PRICKLE2: variants seen among roughly 807,000 people sequenced by gnomAD.
PRICKLE2 encodes prickle planar cell polarity protein 2.
A neutral mutation model predicts 81.4 loss-of-function variants in PRICKLE2; 21 were observed. The ratio of observed to expected loss-of-function variants is 0.26; its 90% confidence interval spans 0.18 to 0.37. The LOEUF is 0.37. PRICKLE2 is among the 10% of genes least tolerant of loss of function. The pLI, the probability that PRICKLE2 is intolerant of heterozygous loss-of-function variation, is 1.00. For missense variants in PRICKLE2, 940 were observed against 1,109.0 expected (o/e 0.85, Z 2.16); for synonymous variants, 456 against 421.5 (o/e 1.08, Z -1.00).
At chr3:64,130,200 AT>A (rs1427326984) in intron 7 of PRICKLE2, among the ~76,000 whole-genome samples, 2 of 152,232 alleles carry the variant, frequency 1.3e-5, no homozygotes, top group Non-Finnish European at 2.9e-5. Context: ...GCCCTTAGCT[AT>A]CACAACGTTA....
intron 7 of PRICKLE2, among the ~76,000 whole-genome samples, chr3:64,139,147 A>G (rs1240935005): frequency 1.3e-5 from 2 of 152,176 alleles, no homozygotes; most frequent in Non-Finnish European, 2.9e-5. Flanking sequence ...GCATTGCACA[A>G]CTAAGTTTCC....
intron 2 of PRICKLE2, among the ~76,000 whole-genome samples, chr3:64,244,997 G>A (rs999888363): frequency 2.6e-5 from 4 of 152,034 alleles, no homozygotes; most frequent in African/African-American, 7.3e-5. Flanking sequence ...CCATAACATC[G>A]CTACCAATCT....
intron 1 of PRICKLE2, among the ~76,000 whole-genome samples, chr3:64,203,767 G>A (rs697282): frequency 0.12 from 18,248 of 150,798 alleles, 1,427 homozygotes; most frequent in East Asian, 0.4. Context: ...CCAGGAGTTC[G>A]AGACCAGCCT....
chr3:64,212,205 G>T (rs2078799909), intron 1 of PRICKLE2, among the ~76,000 whole-genome samples: 1 of 152,188 alleles, frequency 6.6e-6, no homozygotes, highest in Non-Finnish European at 1.5e-5. Flanking sequence ...TTCCTCAGCT[G>T]CCTGTCAGAC....
chr3:64,179,752 C>T (rs2078094349), intron 2 of PRICKLE2, among the ~76,000 whole-genome samples: 1 of 152,116 alleles, frequency 6.6e-6, no homozygotes, highest in Admixed American at 6.5e-5. Flanking sequence ...TAAATTTTGG[C>T]AAGTGGGCAC....
intron 7 of PRICKLE2, among the ~76,000 whole-genome samples, chr3:64,108,508 G>A (rs969785489): frequency 8.5e-5 from 13 of 152,086 alleles, no homozygotes; most frequent in African/African-American, 3.1e-4. Flanking sequence ...CTCAAACAGA[G>A]TATGACAAAG....
intron 7 of PRICKLE2, among the ~76,000 whole-genome samples, chr3:64,127,775 C>G (rs1303395217): frequency 2.0e-5 from 3 of 151,704 alleles, no homozygotes; most frequent in Non-Finnish European, 2.9e-5. Flanking sequence ...ATGCTAGGCC[C>G]CGATGCTCAA....
chr3:64,254,248 C>T (rs1457492859), intron 2 of PRICKLE2, among the ~76,000 whole-genome samples: 2 of 152,170 alleles, frequency 1.3e-5, no homozygotes, highest in African/African-American at 2.4e-5. Context: ...TATTTATGAG[C>T]TTGATTCCTT....
chr3:64,166,003 TG>T (rs1559552045), intron 2 of PRICKLE2, among the ~76,000 whole-genome samples: 9 of 98,420 alleles, frequency 9.1e-5, no homozygotes, highest in African/African-American at 2.4e-4. Flanking sequence ...TGTGTGTGTG[TG>T]TGTGTGTGTG....
chr3:64,239,125 G>T (rs1329039522), intron 2 of PRICKLE2, among the ~76,000 whole-genome samples: 2 of 152,108 alleles, frequency 1.3e-5, no homozygotes, highest in African/African-American at 4.8e-5. Context: ...CTCTGAGGGG[G>T]CCAGGCATGC....
At position 64,242,824 on chromosome 3, in the gene PRICKLE2, C is replaced by A. The variant is rs116817319; in HGVS notation, c.129-43857G>T. On this transcript the variant is annotated intron_variant, in intron 2 of 8. Transcript: ENST00000295902. ...ATTAATGATGGGGCCAAGAGTGTACCTGGTCATCTGTAAGAGGAGCACAGT... is the reference window on the plus strand; with the variant it reads ...ATTAATGATGGGGCCAAGAGTGTACATGGTCATCTGTAAGAGGAGCACAGT... Among the ~76,000 whole-genome samples, 765 of 152,342 alleles carry A rather than the reference C, an allele frequency of 5.0e-3. 3 individuals carry two copies. The highest frequency in any genetic ancestry group is 0.013 in the African/African-American group (533 of 41,578).
intron 2 of PRICKLE2, among the ~76,000 whole-genome samples, chr3:64,197,846 G>C (rs1190217582): frequency 2.6e-5 from 4 of 151,390 alleles, no homozygotes; most frequent in African/African-American, 9.7e-5. Context: ...CCCATGAACT[G>C]AAAATAAAGT....
chr3:64,226,987 T>A (rs1316577941), upstream of PRICKLE2, among the ~76,000 whole-genome samples: 1 of 152,240 alleles, frequency 6.6e-6, no homozygotes, highest in Non-Finnish European at 1.5e-5. Flanking sequence ...GGGAACCCAC[T>A]CTGATGAGCT....
chr3:64,227,330 C>A (rs1030347348), upstream of PRICKLE2, among the ~76,000 whole-genome samples: 1 of 152,142 alleles, frequency 6.6e-6, no homozygotes, highest in South Asian at 2.1e-4. Context: ...CAGTTTGGGG[C>A]CCCCAGTAGC....
At chr3:64,159,218 A>G (rs2077689879) in intron 4 of PRICKLE2, among the ~76,000 whole-genome samples, 1 of 152,132 alleles carries the variant, frequency 6.6e-6, no homozygotes, top group Non-Finnish European at 1.5e-5. Flanking sequence ...CTGTTCACAA[A>G]TAGCTCCTGT....
chr3:64,213,337 C>T (rs2078821650), intron 1 of PRICKLE2, among the ~76,000 whole-genome samples: 1 of 152,122 alleles, frequency 6.6e-6, no homozygotes, highest in Non-Finnish European at 1.5e-5. Context: ...CCTTGGCCTC[C>T]CAAAGTGTTG....
At chr3:64,153,159 C>A (rs917090909) in intron 6 of PRICKLE2, 23 bp downstream of exon 6, 1 of 1,612,416 alleles carries the variant, frequency 6.2e-7, no homozygotes, top group Admixed American at 1.7e-5. Context: ...AAGGACCAAG[C>A]TGACTGCCAA....
chr3:64,183,865 C>T (rs931338050), intron 2 of PRICKLE2, among the ~76,000 whole-genome samples: 7 of 152,192 alleles, frequency 4.6e-5, no homozygotes, highest in African/African-American at 1.4e-4. Flanking sequence ...GCTCTCTTTT[C>T]TGTGTATCTT....
chr3:64,166,416 T>TG (rs1200580092), intron 2 of PRICKLE2, among the ~76,000 whole-genome samples: 1 of 152,216 alleles, frequency 6.6e-6, no homozygotes, highest in Non-Finnish European at 1.5e-5. Flanking sequence ...CCAGCAGTGA[T>TG]GGAGGACTCT....
Sources: allele counts gnomAD v4.1 joint callset (sites outside exome capture counted in the v4.1 genomes callset), GRCh38; gene constraint gnomAD v4.1.1; transcripts MANE v1.5; gene names NCBI Gene and HGNC (gene_info 2026-07-23, HGNC 2026-07-21).